MAP2K5: variants seen among roughly 807,000 people sequenced by gnomAD.
MAP2K5 encodes dual specificity mitogen-activated protein kinase kinase 5.
A neutral mutation model predicts 83.1 loss-of-function variants in MAP2K5; 49 were observed. The observed-to-expected ratio is 0.59, with a 90% CI of 0.47 to 0.75. MAP2K5 has a LOEUF of 0.75. Ranked by LOEUF, MAP2K5 falls within the 30% of genes least tolerant of loss-of-function variation. MAP2K5 has a pLI of 0.00. For missense variants in MAP2K5, 457 were observed against 557.5 expected (o/e 0.82, Z 1.82); for synonymous variants, 202 against 191.8 (o/e 1.05, Z -0.44).
In MAP2K5 at chr15:67,550,028, G is replaced by C. The variant is rs1039280397; in HGVS notation, c.136-6G>C. ...AATTGTGTTTCTTTATTCTTTCTTTGTTTAGGATGTGATAGGCCAGGTTCT... is the reference window on the plus strand; with the variant it reads ...AATTGTGTTTCTTTATTCTTTCTTTCTTTAGGATGTGATAGGCCAGGTTCT... On this transcript the variant is annotated splice_region_variant and splice_polypyrimidine_tract_variant and intron_variant, in intron 1 of 21. Transcript: ENST00000178640. The C allele has an allele frequency of 2.5e-6, 4 of 1,611,214 alleles. No homozygotes were observed. The Admixed American group carries it at 5.0e-5, about 20-fold the overall frequency.
chr15:67,591,428 G>T (rs556473555), intron 6 of MAP2K5, among the ~76,000 whole-genome samples: 5 of 151,394 alleles, frequency 3.3e-5, no homozygotes, highest in South Asian at 4.2e-4. Context: ...AGGCTGGTGT[G>T]CAGTGGTGCG....
rs75277053 is a variant in MAP2K5, at chr15:67,741,350, G to A, written c.1075-6881G>A. Among the ~76,000 whole-genome samples the A allele has an allele frequency of 9.6e-3, 1,460 of 152,292 alleles. 18 individuals are homozygous for A. Among genetic ancestry groups the A allele is most frequent in the African/African-American group, 0.034 (1,395 of 41,556 alleles). ...ACTGTAAAGCCTAGTCTTCCTTGCT[G>A]GTTTTAGCTGGGACTTGACTCAGCA... On this transcript the variant is annotated intron_variant, in intron 17 of 21. Coordinates refer to ENST00000178640, the MANE Select transcript of MAP2K5 (RefSeq NM_145160.3).
chr15:67,560,367 C>T (rs531971030), intron 2 of MAP2K5, among the ~76,000 whole-genome samples: 8 of 152,294 alleles, frequency 5.3e-5, no homozygotes, highest in East Asian at 1.9e-4. Flanking sequence ...TTTAATAAAA[C>T]GACTAAGCAT....
Position 67,542,973 on chromosome 15 carries a change from C to T in MAP2K5, c.-363C>T. ...GAGCGGTGGACACCTGCCGCTGTAT[C>T]TCCCCCAAACCGAGTCCTTGCCCTG... is the stretch of plus-strand genomic sequence containing the variant. On this transcript the variant is annotated 5_prime_UTR_variant, in exon 1 of 22. Coordinates refer to ENST00000178640, the MANE Select transcript of MAP2K5 (RefSeq NM_145160.3). 3.8e-6 allele frequency: 1 copy of T among 264,886 alleles called. No homozygotes were observed. Among genetic ancestry groups the T allele is most frequent in the Non-Finnish European group, 7.4e-6 (1 of 134,936 alleles). 16.4% of individuals were successfully genotyped at this position (264,886 alleles called of 1,614,324 possible). A position where few individuals can be genotyped will look rare whatever the true frequency, so the allele number is the denominator to read the frequency against.
intron 20 of MAP2K5, among the ~76,000 whole-genome samples, chr15:67,771,442 A>G (rs909793401): frequency 2.6e-5 from 4 of 152,220 alleles, no homozygotes; most frequent in African/African-American, 9.6e-5. Flanking sequence ...CCTCCTGTCC[A>G]AAAAATTAAT....
chr15:67,699,918 A>G (rs957050515), intron 15 of MAP2K5, among the ~76,000 whole-genome samples: 11 of 152,034 alleles, frequency 7.2e-5, no homozygotes, highest in East Asian at 1.9e-4. Flanking sequence ...GTCTAACTCC[A>G]GAGCCCTGTT....
At chr15:67,673,980 C>G (rs756154237) in intron 13 of MAP2K5, among the ~76,000 whole-genome samples, 1 of 152,106 alleles carries the variant, frequency 6.6e-6, no homozygotes, top group African/African-American at 2.4e-5. Context: ...TTCCAAGTAG[C>G]TGGGAGTACA....
At chr15:67,714,647 CTCT>C (rs2088787671) in intron 16 of MAP2K5, among the ~76,000 whole-genome samples, 2 of 152,206 alleles carry the variant, frequency 1.3e-5, no homozygotes, top group South Asian at 4.1e-4. Flanking sequence ...CTGATATTTT[CTCT>C]TCTTCTTTTT....
At chr15:67,614,913 ACAAT>A (rs1259303318) in intron 8 of MAP2K5, among the ~76,000 whole-genome samples, 3 of 152,204 alleles carry the variant, frequency 2.0e-5, no homozygotes, top group Admixed American at 6.6e-5. Flanking sequence ...AGCCCTATGT[ACAAT>A]CAGTTATCTT....
At chr15:67,689,857 T>C (rs1379550933) in intron 13 of MAP2K5, among the ~76,000 whole-genome samples, 2 of 152,222 alleles carry the variant, frequency 1.3e-5, no homozygotes, top group Non-Finnish European at 2.9e-5. Flanking sequence ...TCAAAATATT[T>C]GTTCATTAAC....
At position 67,757,529 on chromosome 15, in the gene MAP2K5, A is replaced by G. The variant is rs942748279; in HGVS notation, c.1134+8928A>G. 5.9e-5 allele frequency among the ~76,000 whole-genome samples: 9 copies of G among 152,168 alleles called. No individual in the cohort carries two copies. The East Asian group carries it at 1.5e-3, about 26-fold the overall frequency. ...TTCCATAGATTATAGTTTGAAAACT[A>G]CTGATGATAGCCCAAACAGTCATTC... On this transcript the variant is annotated intron_variant, in intron 19 of 21. Coordinates refer to ENST00000178640, the MANE Select transcript of MAP2K5 (RefSeq NM_145160.3). The surrounding 1 kb of genome is among the most constrained non-coding windows in gnomAD (Gnocchi z 4.9).
Position 67,572,646 on chromosome 15 carries a change from G to T in MAP2K5, c.253-8108G>T, listed in dbSNP as rs894061139. 6.6e-6 allele frequency among the ~76,000 whole-genome samples: 1 copy of T among 152,028 alleles called. No homozygotes were observed. The highest frequency in any genetic ancestry group is 1.5e-5 in the Non-Finnish European group (1 of 67,994). ...GAGATGTGCTCTGCTACAAGGGTTT[G>T]TGATAAAGGATTCATTTTCTTAATT... On this transcript the variant is annotated intron_variant, in intron 3 of 21. Coordinates refer to ENST00000178640, the MANE Select transcript of MAP2K5 (RefSeq NM_145160.3). The surrounding 1 kb of genome is among the most constrained non-coding windows in gnomAD (Gnocchi z 4.2).
rs1468691729 is a variant in MAP2K5 at position 67,790,081 on chromosome 15, T to G, written c.1243-16565T>G. On this transcript the variant is annotated intron_variant, in intron 21 of 21. Transcript: ENST00000178640. The surrounding 1 kb of genome is among the most constrained non-coding windows in gnomAD (Gnocchi z 4.6). ...ACAAGAGAGTCGTTTTCTTTTCCCT[T>G]TGTTTGGTTGTGTATCTTTCTTCCA... 6.6e-6 allele frequency among the ~76,000 whole-genome samples: 1 copy of G among 151,962 alleles called. No homozygotes were observed. Among genetic ancestry groups the G allele is most frequent in the Non-Finnish European group, 1.5e-5 (1 of 67,962 alleles).
intron 7 of MAP2K5, among the ~76,000 whole-genome samples, chr15:67,593,683 C>CTATCAA (rs1053725635): frequency 1.3e-5 from 2 of 152,244 alleles, no homozygotes; most frequent in Non-Finnish European, 2.9e-5. Flanking sequence ...GCCTTGGAGG[C>CTATCAA]AGGCGCCTGT....
In MAP2K5 at chr15:67,658,512, G is replaced by T. The variant is rs58568892; in HGVS notation, c.737-41G>T. The T allele has an allele frequency of 9.3e-4, 1,391 of 1,490,798 alleles. 13 individuals are homozygous for T. In the African/African-American group the frequency reaches 0.017, roughly 18 times the overall value. The allele number at this position is 1,490,798 out of a possible 1,614,324, so 92.3% of individuals were successfully genotyped here. A position where few individuals can be genotyped will look rare whatever the true frequency, so the allele number is the denominator to read the frequency against. Reference sequence around the variant, plus strand: ...AGGAGAAGCCCAGTGCATTGTTCTGGTAATTTCATTTGTAGTAACATGGCA... The same window carrying T: ...AGGAGAAGCCCAGTGCATTGTTCTGTTAATTTCATTTGTAGTAACATGGCA... On this transcript the variant is annotated intron_variant, in intron 11 of 21. Transcript: ENST00000178640.
Position 67,550,017 on chromosome 15 carries a change from A to G in MAP2K5, c.136-17A>G. ...AGAAGATGGCTAATTGTGTTTCTTT[A>G]TTCTTTCTTTGTTTAGGATGTGATA... On this transcript the variant is annotated splice_polypyrimidine_tract_variant and intron_variant, in intron 1 of 21. Coordinates refer to ENST00000178640, the MANE Select transcript of MAP2K5 (RefSeq NM_145160.3). 2 of 1,606,348 alleles carry G rather than the reference A, an allele frequency of 1.2e-6. No homozygotes were observed. The highest frequency in any genetic ancestry group is 1.7e-6 in the Non-Finnish European group (2 of 1,173,236).
rs1425202117 is a variant in MAP2K5, at chr15:67,565,440, G to C, written c.252+2090G>C. Among the ~76,000 whole-genome samples, 1 of 152,134 alleles carries C rather than the reference G, an allele frequency of 6.6e-6. No individual in the cohort carries two copies. The highest frequency in any genetic ancestry group is 2.4e-5 in the African/African-American group (1 of 41,434). On this transcript the variant is annotated intron_variant, in intron 3 of 21. Coordinates refer to ENST00000178640, the MANE Select transcript of MAP2K5 (RefSeq NM_145160.3). This position sits in a 1 kb window ranked among gnomAD's most constrained non-coding sequence, Gnocchi z 4.1. ...AGACGGGGTTTCATCATGTTGGCCAGGCTGGTCTCAAACTCCTGACCCCGT... is the reference window on the plus strand; with the variant it reads ...AGACGGGGTTTCATCATGTTGGCCACGCTGGTCTCAAACTCCTGACCCCGT...
At chr15:67,641,438 C>T (rs567339199) in intron 9 of MAP2K5, 1 of 991,354 alleles carries the variant, frequency 1.0e-6, no homozygotes, top group East Asian at 1.1e-4. Context: ...GCTCTCTTTC[C>T]CTTTAGTGAA....
At chr15:67,727,241 C>T (rs1302049829) in intron 16 of MAP2K5, among the ~76,000 whole-genome samples, 3 of 152,124 alleles carry the variant, frequency 2.0e-5, no homozygotes, top group African/African-American at 7.2e-5. Flanking sequence ...CAAGCCTATT[C>T]CTGGTTGGAT....
Sources: allele counts gnomAD v4.1 joint callset (sites outside exome capture counted in the v4.1 genomes callset), GRCh38; gene constraint gnomAD v4.1.1; non-coding constraint Gnocchi (gnomAD v3.1); transcripts MANE v1.5; gene names NCBI Gene and HGNC (gene_info 2026-07-23, HGNC 2026-07-21).